ASH1L: variants seen among roughly 807,000 people sequenced by gnomAD.
The protein encoded by ASH1L is histone-lysine N-methyltransferase ASH1L.
A neutral mutation model predicts 269.0 loss-of-function variants in ASH1L; 23 were observed. That is an observed-to-expected ratio of 0.09 (90% CI 0.06 to 0.12). The LOEUF (loss-of-function observed/expected upper bound fraction) is 0.12, where lower values mean the gene tolerates loss of function less well. ASH1L is among the 10% of genes least tolerant of loss of function. ASH1L has a pLI of 1.00. For missense variants in ASH1L, 2,912 were observed against 3,567.8 expected (o/e 0.82, Z 4.68); for synonymous variants, 1,187 against 1,253.5 (o/e 0.95, Z 1.12).
At position 155,433,245 on chromosome 1, in the gene ASH1L, C is replaced by T. The variant is rs578248068; in HGVS notation, c.5828+5082G>A. ...CCTCCAGGCGGTGGAGGTGATGGGC[C>T]AGGGGGGCCGGAGCCGGGCTGGGTT... On this transcript the variant is annotated intron_variant, in intron 5 of 27. Coordinates refer to ENST00000392403, the MANE Select transcript of ASH1L (RefSeq NM_018489.3). 53 of 1,551,926 alleles carry T rather than the reference C, an allele frequency of 3.4e-5. No individual in the cohort carries two copies. The South Asian group carries it at 4.6e-4, about 14-fold the overall frequency.
intron 6 of ASH1L, among the ~76,000 whole-genome samples, chr1:155,402,580 T>C (rs1432369748): frequency 6.6e-6 from 1 of 152,178 alleles, no homozygotes; most frequent in Non-Finnish European, 1.5e-5. Context: ...GACAGGGCCT[T>C]GTTCTGCCAC....
At chr1:155,392,480 A>AT (rs904946912) in intron 7 of ASH1L, among the ~76,000 whole-genome samples, 5 of 151,682 alleles carry the variant, frequency 3.3e-5, no homozygotes, top group African/African-American at 4.8e-5. Context: ...CAGTTGATGC[A>AT]TTTTTTTCTT....
chr1:155,491,338 G>A (rs112243651), intron 2 of ASH1L, among the ~76,000 whole-genome samples: 2,549 of 152,212 alleles, frequency 0.017, 77 homozygotes, highest in African/African-American at 0.06. Context: ...CTGGCCTCAA[G>A]CAATCTCCTG....
At chr1:155,380,247 T>A in intron 7 of ASH1L, 131 bp from the exon 8 acceptor site, 1 of 639,694 alleles carries the variant, frequency 1.6e-6, no homozygotes, top group Non-Finnish European at 2.6e-6. Flanking sequence ...GATTTTTCCA[T>A]CACCAATTTT....
chr1:155,408,709 G>A (rs1274167234), intron 6 of ASH1L, among the ~76,000 whole-genome samples: 2 of 152,094 alleles, frequency 1.3e-5, no homozygotes, highest in East Asian at 3.9e-4. Context: ...CCTATAAAAT[G>A]CTAATAGATT....
chr1:155,556,573 T>G (rs1318370216), intron 1 of ASH1L, among the ~76,000 whole-genome samples: 1 of 151,874 alleles, frequency 6.6e-6, no homozygotes, highest in Non-Finnish European at 1.5e-5. Flanking sequence ...GCCTCCCGAG[T>G]AGCTGGGACT....
At chr1:155,542,523 T>G (rs1048871451) in intron 1 of ASH1L, among the ~76,000 whole-genome samples, 7 of 151,312 alleles carry the variant, frequency 4.6e-5, no homozygotes, top group South Asian at 2.1e-4. Context: ...CACTCCAGCC[T>G]GGGCAACAGA....
chr1:155,495,470 GGTACA>G (rs1667083909), intron 2 of ASH1L, among the ~76,000 whole-genome samples: 1 of 151,878 alleles, frequency 6.6e-6, no homozygotes, highest in African/African-American at 2.4e-5. Flanking sequence ...ACATAGAAAA[GGTACA>G]GTAAAAATAT....
chr1:155,498,270 C>G (rs923412791), intron 2 of ASH1L, among the ~76,000 whole-genome samples: 3 of 151,748 alleles, frequency 2.0e-5, no homozygotes, highest in Non-Finnish European at 4.4e-5. Flanking sequence ...TACACAATTT[C>G]AGTTGCAGAA....
intron 6 of ASH1L, among the ~76,000 whole-genome samples, chr1:155,413,398 G>C (rs1659957777): frequency 6.6e-6 from 1 of 152,156 alleles, no homozygotes; most frequent in Non-Finnish European, 1.5e-5. Flanking sequence ...CTGAGGTCAG[G>C]AATTCAAGAC....
At chr1:155,554,968 C>T (rs1264813853) in intron 1 of ASH1L, among the ~76,000 whole-genome samples, 1 of 151,400 alleles carries the variant, frequency 6.6e-6, no homozygotes, top group Non-Finnish European at 1.5e-5. Context: ...CATGGTGAAA[C>T]CCCATCTCTA....
intron 2 of ASH1L, among the ~76,000 whole-genome samples, chr1:155,515,674 A>G (rs867032395): frequency 1.2e-4 from 18 of 151,828 alleles, no homozygotes; most frequent in African/African-American, 3.9e-4. Context: ...CTAAAAATAC[A>G]AAAATTAGCC....
At chr1:155,400,351 T>C (rs1433333595) in intron 6 of ASH1L, among the ~76,000 whole-genome samples, 2 of 151,422 alleles carry the variant, frequency 1.3e-5, no homozygotes, top group African/African-American at 2.4e-5. Flanking sequence ...AAAGAGGACA[T>C]ATTACTTCTA....
chr1:155,533,004 C>G (rs113317094), intron 1 of ASH1L, among the ~76,000 whole-genome samples: 239 of 144,102 alleles, frequency 1.7e-3, no homozygotes, highest in African/African-American at 6.0e-3. Flanking sequence ...GTGTTGGTGG[C>G]GAAGGTCTGG....
Position 155,540,734 on chromosome 1 carries a change from A to G in ASH1L, c.-99-19116T>C, listed in dbSNP as rs546949539. Among the ~76,000 whole-genome samples the G allele has an allele frequency of 9.9e-5, 15 of 151,700 alleles. No homozygotes were observed. In the South Asian group the frequency reaches 3.1e-3, roughly 32 times the overall value. On this transcript the variant is annotated intron_variant, in intron 1 of 27. Transcript: ENST00000392403. ...CAGCGAGCTAAGATCACACCACTGCACTCCAGCCTGAGTGACAACACGAGA... is the reference window on the plus strand; with the variant it reads ...CAGCGAGCTAAGATCACACCACTGCGCTCCAGCCTGAGTGACAACACGAGA...
At chr1:155,517,475 A>G (rs1387799201) in intron 2 of ASH1L, among the ~76,000 whole-genome samples, 3 of 152,054 alleles carry the variant, frequency 2.0e-5, no homozygotes, top group Admixed American at 2.0e-4. Flanking sequence ...CTAAAAGTAC[A>G]AAAACTAGCC....
chr1:155,470,584 C>T (rs1164012264), intron 3 of ASH1L, among the ~76,000 whole-genome samples: 2 of 146,324 alleles, frequency 1.4e-5, no homozygotes, highest in East Asian at 2.0e-4. Context: ...CAGAGTCTCG[C>T]TCTGTTGCCC....
At chr1:155,377,498 G>T (rs1656558200) in intron 10 of ASH1L, among the ~76,000 whole-genome samples, 1 of 151,958 alleles carries the variant, frequency 6.6e-6, no homozygotes, top group South Asian at 2.1e-4. Context: ...AGGAGGTTGA[G>T]GTAGGAGGAC....
At chr1:155,450,248 G>A (rs1663365740) in intron 4 of ASH1L, among the ~76,000 whole-genome samples, 2 of 152,116 alleles carry the variant, frequency 1.3e-5, no homozygotes, top group African/African-American at 2.4e-5. Context: ...CAGAAATTTG[G>A]TAATAATGTC....
Sources: gnomAD v4.1 joint callset for allele counts (sites outside exome capture counted in the v4.1 genomes callset) on GRCh38, gnomAD v4.1.1 for gene constraint, MANE v1.5 for transcripts, NCBI Gene and HGNC (gene_info 2026-07-23, HGNC 2026-07-21) for gene names.